Variants in ZNF462 observed in about 807,000 individuals in gnomAD.
ZNF462 encodes zinc finger PBX1-interacting protein.
ZNF462 carries 10 observed loss-of-function variants against 201.9 expected under a neutral mutation model. The ratio of observed to expected loss-of-function variants is 0.05; its 90% CI spans 0.03 to 0.08. ZNF462 has a LOEUF of 0.08. ZNF462 is among the 10% of genes least tolerant of loss of function. The probability of loss-of-function intolerance (pLI) is 1.00; values close to 1 mark genes in which losing one functional copy is unlikely to be tolerated. For missense variants in ZNF462, 2,523 were observed against 3,168.3 expected, an observed-to-expected ratio of 0.80 and a Z score of 4.89; for synonymous variants, 1,227 against 1,193.3, an observed-to-expected ratio of 1.03 and a Z score of -0.58.
At chr9:106,939,195 C>G in intron 7 of ZNF462, 88 bp downstream of exon 7, 2 of 1,321,068 alleles carry the variant, frequency 1.5e-6, no homozygotes, top group South Asian at 3.2e-5. Flanking sequence ...AGAGGAAAAT[C>G]TTATGTGAAA....
intron 1 of ZNF462, among the ~76,000 whole-genome samples, chr9:106,907,934 G>A (rs1215501013): frequency 2.6e-5 from 4 of 151,950 alleles, no homozygotes. Flanking sequence ...CTCTACTGGT[G>A]AGTTTTTATT....
At chr9:106,952,490 A>G (rs896342590) in intron 7 of ZNF462, among the ~76,000 whole-genome samples, 9 of 152,330 alleles carry the variant, frequency 5.9e-5, no homozygotes, top group Non-Finnish European at 1.2e-4. Context: ...GTTTCCTTAC[A>G]TCATGAGCTT....
chr9:106,919,069 A>ACACCAT lies in ZNF462; in HGVS notation c.-30-4285_-30-4284insCACCAT, dbSNP rs1829888558. On this transcript the variant is annotated intron_variant, in intron 1 of 12. Transcript: ENST00000277225. This position sits in a 1 kb window ranked among gnomAD's most constrained non-coding sequence, Gnocchi z 4.5. ...GAATCACATGGCTGTGGTGCTTCAC[A>ACACCAT]GCTTTATTTCTGGGCTGCAGTCCTT... Among the ~76,000 whole-genome samples the ACACCAT allele has an allele frequency of 6.6e-6, 1 of 152,258 alleles. No individual in the cohort carries two copies. Among genetic ancestry groups the ACACCAT allele is most frequent in the African/African-American group, 2.4e-5 (1 of 41,476 alleles).
rs3056311 is a variant in ZNF462 at position 106,943,059 on chromosome 9, C to CGTGTGTGTGTGTGTGT, written c.6427+3971_6427+3986dup. On this transcript the variant is annotated intron_variant, in intron 7 of 12. Coordinates refer to ENST00000277225, the MANE Select transcript of ZNF462 (RefSeq NM_021224.6). Reference sequence around the variant, plus strand: ...GTAACATAGTTTTGTTTTGCGCGCGCGTGTGTGTGTGTGTGTGTGTGTGTG... The same window carrying CGTGTGTGTGTGTGTGT: ...GTAACATAGTTTTGTTTTGCGCGCGCGTGTGTGTGTGTGTGTGTGTGTGTGTGTGTGTGTGTGTGTG... 3.0e-3 allele frequency among the ~76,000 whole-genome samples: 430 copies of CGTGTGTGTGTGTGTGT among 143,226 alleles called. 1 individual carries two copies. Among genetic ancestry groups the CGTGTGTGTGTGTGTGT allele is most frequent in the African/African-American group, 0.01 (395 of 37,932 alleles). 94.0% of individuals were successfully genotyped at this position (143,226 alleles called of 152,430 possible). A position where few individuals can be genotyped will look rare whatever the true frequency, so the allele number is the denominator to read the frequency against.
chr9:106,897,986 A>G (rs1004030572), intron 1 of ZNF462, among the ~76,000 whole-genome samples: 4 of 152,206 alleles, frequency 2.6e-5, no homozygotes, highest in African/African-American at 4.8e-5. Flanking sequence ...GTTCCTCAGC[A>G]TTAGCAAATG....
At chr9:107,000,606 T>C (rs1428957083) in intron 10 of ZNF462, among the ~76,000 whole-genome samples, 1 of 152,218 alleles carries the variant, frequency 6.6e-6, no homozygotes, top group Non-Finnish European at 1.5e-5. Flanking sequence ...ATTTTAGTTC[T>C]CATTTTTAAA....
At chr9:106,949,523 C>T (rs542124533) in intron 7 of ZNF462, among the ~76,000 whole-genome samples, 1 of 152,326 alleles carries the variant, frequency 6.6e-6, no homozygotes, top group South Asian at 2.1e-4. Flanking sequence ...CTTCCTCCCA[C>T]CCCAGTGGCA....
chr9:106,862,160 ATGG>A (rs1334908559), upstream of ZNF462, among the ~76,000 whole-genome samples: 5 of 152,250 alleles, frequency 3.3e-5, no homozygotes, highest in East Asian at 9.7e-4. This position sits in a 1 kb window ranked among gnomAD's most constrained non-coding sequence, Gnocchi z 4.2. Flanking sequence ...CGTGCCAGTA[ATGG>A]ACAATTTGAG....
Position 106,938,890 on chromosome 9 carries a change from T to G in ZNF462, c.6236-26T>G, listed in dbSNP as rs1830744755. On this transcript the variant is annotated intron_variant, in intron 6 of 12. Transcript: ENST00000277225. The surrounding 1 kb of genome is among the most constrained non-coding windows in gnomAD (Gnocchi z 4.4). ...CCCTTCTCCCCTCTTTTTCCTGTTC[T>G]ATTTCTTGTCACCATCCTCTTCCAG... The G allele has an allele frequency of 1.3e-6, 2 of 1,580,142 alleles. No individual in the cohort carries two copies. The highest frequency in any genetic ancestry group is 4.5e-5 in the East Asian group (2 of 44,414).
In ZNF462 at chr9:106,984,611, A is replaced by C. The variant is rs747177587; in HGVS notation, c.7056+202A>C. Among the ~76,000 whole-genome samples, 5 of 152,186 alleles carry C rather than the reference A, an allele frequency of 3.3e-5. No individual in the cohort carries two copies. Among genetic ancestry groups the C allele is most frequent in the Non-Finnish European group, 7.4e-5 (5 of 68,026 alleles). On this transcript the variant is annotated intron_variant, in intron 10 of 12. Coordinates refer to ENST00000277225, the MANE Select transcript of ZNF462 (RefSeq NM_021224.6). The surrounding 1 kb of genome is among the most constrained non-coding windows in gnomAD (Gnocchi z 6.4). The stretch of plus-strand genomic sequence containing the variant: ...GCGAAACACAGGTTGGGTGGAAGGG[A>C]AATCACCCATAATTCTACCACACTA...
chr9:106,899,353 G>A (rs1828958965), intron 1 of ZNF462, among the ~76,000 whole-genome samples: 1 of 151,910 alleles, frequency 6.6e-6, no homozygotes, highest in Non-Finnish European at 1.5e-5. Flanking sequence ...AATGCAGAAA[G>A]GATAACTATC....
Position 106,870,012 on chromosome 9 carries a change from A to G in ZNF462, c.-31+6657A>G, listed in dbSNP as rs892295835. Among the ~76,000 whole-genome samples the G allele has an allele frequency of 1.3e-5, 2 of 152,198 alleles. No homozygotes were observed. The highest frequency in any genetic ancestry group is 2.9e-5 in the Non-Finnish European group (2 of 68,040). On this transcript the variant is annotated intron_variant, in intron 1 of 12. Coordinates refer to ENST00000277225, the MANE Select transcript of ZNF462 (RefSeq NM_021224.6). The surrounding 1 kb of genome is among the most constrained non-coding windows in gnomAD (Gnocchi z 4.3). ...ATTTGGATTTACATTTTGTGCTTGG[A>G]AATGCTATCATAAAATTTATCTTTT...
At position 107,009,351 on chromosome 9, in the gene ZNF462, A is replaced by G. The variant is rs1374409740; in HGVS notation, c.7190-194A>G. On this transcript the variant is annotated intron_variant, in intron 11 of 12. Coordinates refer to ENST00000277225, the MANE Select transcript of ZNF462 (RefSeq NM_021224.6). This position sits in a 1 kb window ranked among gnomAD's most constrained non-coding sequence, Gnocchi z 6.1. ...AATGAGGTCTTGGGGCCCAAGAACC[A>G]GAAACAGTTCTCGAATGCTATTCAA... The G allele has an allele frequency of 1.5e-6, 1 of 657,618 alleles. No individual in the cohort carries two copies. The highest frequency in any genetic ancestry group is 1.8e-5 in the African/African-American group (1 of 55,286). 40.7% of individuals were successfully genotyped at this position (657,618 alleles called of 1,614,324 possible). A position where few individuals can be genotyped will look rare whatever the true frequency, so the allele number is the denominator to read the frequency against.
At chr9:106,867,169 A>G (rs1461039996) in intron 1 of ZNF462, among the ~76,000 whole-genome samples, 3 of 152,228 alleles carry the variant, frequency 2.0e-5, no homozygotes, top group Non-Finnish European at 2.9e-5. Context: ...CTTCACCAGC[A>G]TGGCAAACAC....
intron 8 of ZNF462, among the ~76,000 whole-genome samples, chr9:106,973,061 A>G (rs1180373848): frequency 6.6e-6 from 1 of 152,180 alleles, no homozygotes; most frequent in Admixed American, 6.5e-5. Flanking sequence ...TACCTACATC[A>G]TAGGGCTCTT....
Position 106,876,276 on chromosome 9 carries a change from G to A in ZNF462, c.-31+12921G>A, listed in dbSNP as rs1270681293. Among the ~76,000 whole-genome samples, 1 of 152,154 alleles carries A rather than the reference G, an allele frequency of 6.6e-6. No individual in the cohort carries two copies. The highest frequency in any genetic ancestry group is 2.4e-5 in the African/African-American group (1 of 41,434). ...TAACATAAGGATTAAAAAATAATATGTGTCTAAGAGTCCTGGCTCATAATG... is the reference window on the plus strand; with the variant it reads ...TAACATAAGGATTAAAAAATAATATATGTCTAAGAGTCCTGGCTCATAATG... On this transcript the variant is annotated intron_variant, in intron 1 of 12. Transcript: ENST00000277225. This position sits in a 1 kb window ranked among gnomAD's most constrained non-coding sequence, Gnocchi z 4.9.
chr9:106,978,432 G>A lies in ZNF462; in HGVS notation c.6832+4159G>A, dbSNP rs1827175065. Among the ~76,000 whole-genome samples, 1 of 151,652 alleles carries A rather than the reference G, an allele frequency of 6.6e-6. No homozygotes were observed. Among genetic ancestry groups the A allele is most frequent in the South Asian group, 2.1e-4 (1 of 4,832 alleles). On this transcript the variant is annotated intron_variant, in intron 9 of 12. Coordinates refer to ENST00000277225, the MANE Select transcript of ZNF462 (RefSeq NM_021224.6). This position sits in a 1 kb window ranked among gnomAD's most constrained non-coding sequence, Gnocchi z 4.1. The stretch of plus-strand genomic sequence containing the variant: ...ACTTTAGTCAGTAGACAGATGGGAA[G>A]CCAGGACAAATTCTGATCAGGTTAC...
At chr9:106,898,934 T>C (rs773115843) in intron 1 of ZNF462, among the ~76,000 whole-genome samples, 1 of 152,130 alleles carries the variant, frequency 6.6e-6, no homozygotes, top group Non-Finnish European at 1.5e-5. Flanking sequence ...GAATTAATGA[T>C]AACAATGGCA....
At position 106,984,127 on chromosome 9, in the gene ZNF462, G is replaced by A. The variant is rs1489523673; in HGVS notation, c.6833-59G>A. 6.7e-7 allele frequency: 1 copy of A among 1,493,806 alleles called. No homozygotes were observed. The highest frequency in any genetic ancestry group is 9.2e-7 in the Non-Finnish European group (1 of 1,091,024). The allele number at this position is 1,493,806 out of a possible 1,614,324, so 92.5% of individuals were successfully genotyped here. A position where few individuals can be genotyped will look rare whatever the true frequency, so the allele number is the denominator to read the frequency against. On this transcript the variant is annotated intron_variant, in intron 9 of 12. Coordinates refer to ENST00000277225, the MANE Select transcript of ZNF462 (RefSeq NM_021224.6). The surrounding 1 kb of genome is among the most constrained non-coding windows in gnomAD (Gnocchi z 6.4). The stretch of plus-strand genomic sequence containing the variant: ...AGTTTCTTCTTGTATTCCAAAGAAA[G>A]AACTTCTGTTTTGCCATCAGTAAAA...
Sources: gnomAD v4.1 joint callset for allele counts (sites outside exome capture counted in the v4.1 genomes callset) on GRCh38, gnomAD v4.1.1 for gene constraint, Gnocchi (gnomAD v3.1) non-coding constraint, MANE v1.5 for transcripts, NCBI Gene and HGNC (gene_info 2026-07-23, HGNC 2026-07-21) for gene names.